VWF: variants seen among roughly 807,000 people sequenced by gnomAD.
VWF encodes the protein Factor VIII related antigen.
VWF carries 176 observed loss-of-function variants against 308.6 expected under a neutral mutation model. The ratio of observed to expected loss-of-function variants is 0.57; its 90% CI spans 0.50 to 0.65. The LOEUF is 0.65. VWF is among the 30% of genes least tolerant of loss of function. The pLI, the probability that VWF is intolerant of heterozygous loss-of-function variation, is 0.00. For synonymous variants in VWF, 1,385 were observed against 1,443.4 expected (o/e 0.96, Z 0.92); for missense variants, 3,146 against 3,648.2 (o/e 0.86, Z 3.55).
At chr12:5,983,083 G>A in intron 41 of VWF, 67 bp downstream of exon 41, 1 of 1,483,118 alleles carries the variant, frequency 6.7e-7, no homozygotes, top group Non-Finnish European at 9.3e-7. Context: ...GGTCCCTGAG[G>A]AGGATGGCCT....
rs1180180618 is a variant in VWF at position 6,092,624 on chromosome 12, T to TGAGAGAGAGAGAGAGAGAGAGAGA, written c.657+2835_657+2836insTCTCTCTCTCTCTCTCTCTCTCTC. On this transcript the variant is annotated intron_variant, in intron 6 of 51. Coordinates refer to ENST00000261405, the MANE Select transcript of VWF (RefSeq NM_000552.5). Reference sequence around the variant, plus strand: ...TAGTTAGTGAGTGAGTGAGAGTGTGTGTGTGTGTGTGTGTGTGTGTGTGTG... The same window carrying TGAGAGAGAGAGAGAGAGAGAGAGA: ...TAGTTAGTGAGTGAGTGAGAGTGTGTGAGAGAGAGAGAGAGAGAGAGAGAGTGTGTGTGTGTGTGTGTGTGTGTG... Among the ~76,000 whole-genome samples, 37 of 87,056 alleles carry TGAGAGAGAGAGAGAGAGAGAGAGA rather than the reference T, an allele frequency of 4.3e-4. 1 individual carries two copies. Among genetic ancestry groups the TGAGAGAGAGAGAGAGAGAGAGAGA allele is most frequent in the African/African-American group, 2.4e-3 (37 of 15,614 alleles). 57.1% of individuals were successfully genotyped at this position (87,056 alleles called of 152,430 possible).
intron 20 of VWF, 101 bp downstream of exon 20, chr12:6,034,586 GA>G (rs1944311325): frequency 6.3e-7 from 1 of 1,576,992 alleles, no homozygotes; most frequent in African/African-American, 1.4e-5. Flanking sequence ...CCAGACCCCA[GA>G]GTTGTTTCTG....
chr12:6,112,833 C>CAG (rs1296471809), intron 3 of VWF, among the ~76,000 whole-genome samples: 2 of 129,892 alleles, frequency 1.5e-5, no homozygotes, highest in African/African-American at 8.9e-5. Context: ...CACAGACACA[C>CAG]ACACACACAC....
chr12:5,990,528 A>G (rs2136381139), intron 38 of VWF, among the ~76,000 whole-genome samples: 1 of 152,294 alleles, frequency 6.6e-6, no homozygotes, highest in South Asian at 2.1e-4. Context: ...ACATAGTGGT[A>G]AGTCACTCTA....
chr12:6,073,754 A>C lies in VWF; in HGVS notation c.875-13T>G, dbSNP rs767611241. 1.2e-6 allele frequency: 2 copies of C among 1,613,798 alleles called. No individual in the cohort carries two copies. The highest frequency in any genetic ancestry group is 2.2e-5 in the East Asian group (1 of 44,842). ...GGGCACACTGGGCCTGAAAAGGAAC[A>C]TCAAAGGGGTCTACCCAGGGCAGGT... is the stretch of plus-strand genomic sequence containing the variant. On this transcript the variant is annotated splice_polypyrimidine_tract_variant and intron_variant, in intron 7 of 51. Transcript: ENST00000261405.
intron 20 of VWF, among the ~76,000 whole-genome samples, chr12:6,032,316 G>C (rs1298006495): frequency 6.9e-6 from 1 of 145,242 alleles, no homozygotes; most frequent in Non-Finnish European, 1.5e-5. Context: ...GACAGAGCGA[G>C]ACTCCATCTC....
rs200633528 is a variant in VWF at position 6,063,079 on chromosome 12, A to G, written c.1433-25T>C. On this transcript the variant is annotated intron_variant, in intron 12 of 51. Coordinates refer to ENST00000261405, the MANE Select transcript of VWF (RefSeq NM_000552.5). The surrounding 1 kb of genome is among the most constrained non-coding windows in gnomAD (Gnocchi z 4.9). Reference sequence around the variant, plus strand: ...CCTGGAACCCAGCAGGACAGGACTCAGGCAGAGGTGGGGAGAGGACAGGGT... The same window carrying G: ...CCTGGAACCCAGCAGGACAGGACTCGGGCAGAGGTGGGGAGAGGACAGGGT... 5.7e-5 allele frequency: 91 copies of G among 1,601,678 alleles called. No homozygotes were observed. The African/African-American group carries it at 1.1e-3, about 20-fold the overall frequency.
In VWF at chr12:6,012,072, C is replaced by T. The variant is rs7961539; in HGVS notation, c.5664+15G>A. The T allele has an allele frequency of 1.1e-3, 1,790 of 1,613,764 alleles. 11 individuals carry two copies. In the African/African-American group the frequency reaches 0.017, roughly 15 times the overall value. ...TCTCTAACCTTTCTTTCAAAGTCAA[C>T]AGAAAGGAACTTACCCTCTTCTCAT... is the stretch of plus-strand genomic sequence containing the variant. On this transcript the variant is annotated intron_variant, in intron 33 of 51. Coordinates refer to ENST00000261405, the MANE Select transcript of VWF (RefSeq NM_000552.5).
Position 5,966,219 on chromosome 12 carries a change from A to C in VWF, c.7887+1267T>G, listed in dbSNP as rs561540230. On this transcript the variant is annotated intron_variant, in intron 47 of 51. Coordinates refer to ENST00000261405, the MANE Select transcript of VWF (RefSeq NM_000552.5). ...AAAGGGATGCCACACGACTCCAGGC[A>C]GCATTGTTTCGTTCCATATGGAAGC... is the stretch of plus-strand genomic sequence containing the variant. Among the ~76,000 whole-genome samples, 3 of 152,248 alleles carry C rather than the reference A, an allele frequency of 2.0e-5. No individual in the cohort carries two copies. The South Asian group carries it at 6.2e-4, about 32-fold the overall frequency.
At chr12:6,110,820 C>A in intron 4 of VWF, 46 bp downstream of exon 4, 2 of 1,584,850 alleles carry the variant, frequency 1.3e-6, no homozygotes, top group South Asian at 2.2e-5. Flanking sequence ...GGGGTTGTGT[C>A]AGGGGATCCC....
chr12:6,094,592 C>A (rs1945084254), intron 6 of VWF, among the ~76,000 whole-genome samples: 1 of 152,216 alleles, frequency 6.6e-6, no homozygotes, highest in Non-Finnish European at 1.5e-5. Context: ...ACCTAAACCC[C>A]AAAGTGACGC....
At chr12:6,069,255 T>C (rs1410362619) in intron 10 of VWF, among the ~76,000 whole-genome samples, 1 of 152,100 alleles carries the variant, frequency 6.6e-6, no homozygotes, top group Non-Finnish European at 1.5e-5. Flanking sequence ...AACTGAAGCA[T>C]AGAGAAGTTC....
At chr12:6,121,374 C>T (rs77940208) in intron 2 of VWF, 36 bp from the exon 3 acceptor site, 1 of 1,609,802 alleles carries the variant, frequency 6.2e-7, no homozygotes, top group East Asian at 2.2e-5. Flanking sequence ...CTGGTGATCT[C>T]AGGGCACAAC....
rs1012136665 is a variant in VWF, at chr12:6,056,825, C to T, written c.1945+32G>A. The T allele has an allele frequency of 1.6e-5, 22 of 1,356,210 alleles. 1 individual carries two copies. The African/African-American group carries it at 1.7e-4, about 10-fold the overall frequency. 84.0% of individuals were successfully genotyped at this position (1,356,210 alleles called of 1,614,324 possible). ...ACACGTGGACGGATTTGGGGGGCGG[C>T]CCGGAGGGCTGCGGGCAGGGAGGGC... is the stretch of plus-strand genomic sequence containing the variant. On this transcript the variant is annotated intron_variant, in intron 15 of 51. Coordinates refer to ENST00000261405, the MANE Select transcript of VWF (RefSeq NM_000552.5).
At chr12:6,009,180 C>T (rs1412642388) in intron 34 of VWF, among the ~76,000 whole-genome samples, 2 of 150,722 alleles carry the variant, frequency 1.3e-5, no homozygotes, top group African/African-American at 4.9e-5. Flanking sequence ...ATTTGCAAAC[C>T]GTACATTTGA....
In VWF at chr12:6,063,134, T is replaced by C. The variant is rs1011677576; in HGVS notation, c.1433-80A>G. ...GCAGGCAGATGTATTTGGGAGGAAA[T>C]GGGGTGTCTCAAAAGGATGGTAGCA... On this transcript the variant is annotated intron_variant, in intron 12 of 51. Transcript: ENST00000261405. This position sits in a 1 kb window ranked among gnomAD's most constrained non-coding sequence, Gnocchi z 4.9. The C allele has an allele frequency of 1.7e-4, 203 of 1,177,484 alleles. 1 individual carries two copies. In the Admixed American group the frequency reaches 3.7e-3, roughly 21 times the overall value. The allele number at this position is 1,177,484 out of a possible 1,614,324, so 72.9% of individuals were successfully genotyped here.
rs370984009 is a variant in VWF, at chr12:6,072,334, G to A, written c.1106C>T (p.Thr369Ile). 9.9e-6 allele frequency: 16 copies of A among 1,613,940 alleles called. No individual in the cohort carries two copies. The highest frequency in any genetic ancestry group is 1.4e-5 in the Non-Finnish European group (16 of 1,179,964). The part of the protein sequence containing the change: ...PGTSLSRDCN[T>I]CICRNSQWIC... ...CACGCTGCGCAGCCCCCATTACCAG[G>A]TGTTGCAGTCTCGAGAGAGGGAGGT... is the stretch of plus-strand genomic sequence containing the variant. Residue 369 changes from threonine to isoleucine, a missense_variant, in exon 9 of 52, where the codon ACC becomes ATC. Thr to Ile is a moderately conservative substitution (Grantham distance 89). Coordinates refer to ENST00000261405, the MANE Select transcript of VWF (RefSeq NM_000552.5).
At chr12:6,061,378 C>G (rs138376945) in intron 13 of VWF, among the ~76,000 whole-genome samples, 200 of 148,406 alleles carry the variant, frequency 1.3e-3, no homozygotes, top group African/African-American at 4.9e-3. Flanking sequence ...AATAATGGCT[C>G]TTTATTTCCT....
chr12:6,102,804 T>C (rs962158261), intron 5 of VWF, among the ~76,000 whole-genome samples: 17 of 151,988 alleles, frequency 1.1e-4, no homozygotes, highest in African/African-American at 3.4e-4. Flanking sequence ...AAAATGACCA[T>C]ACTGCCCAAA....
Sources: gnomAD v4.1 joint callset for allele counts (sites outside exome capture counted in the v4.1 genomes callset) on GRCh38, gnomAD v4.1.1 for gene constraint, Gnocchi (gnomAD v3.1) non-coding constraint, MANE v1.5 for transcripts, NCBI Gene and HGNC (gene_info 2026-07-23, HGNC 2026-07-21) for gene names.